NPHS1: variants seen among roughly 807,000 people sequenced by gnomAD.
NPHS1 encodes the protein nephrin.
A neutral mutation model predicts 139.7 loss-of-function variants in NPHS1; 107 were observed. The observed-to-expected ratio is 0.77, with a 90% CI of 0.66 to 0.90. The LOEUF (loss-of-function observed/expected upper bound fraction) is 0.90, where lower values mean the gene tolerates loss of function less well. Ranked by LOEUF, NPHS1 falls within the 40% of genes least tolerant of loss-of-function variation. The pLI is 0.00. For synonymous variants in NPHS1, 707 were observed against 706.6 expected, an observed-to-expected ratio of 1.00 and a Z score of -0.01; for missense variants, 1,580 against 1,654.2, an observed-to-expected ratio of 0.96 and a Z score of 0.78.
At chr19:35,843,939 G>A in intron 16 of NPHS1, 164 bp downstream of exon 16, 4 of 945,482 alleles carry the variant, frequency 4.2e-6, no homozygotes, top group Non-Finnish European at 6.2e-6. Context: ...CTAGTGGGAG[G>A]GGTTCCGCAG....
rs141962470 is a variant in NPHS1 at position 35,848,113 on chromosome 19, C to T, written c.1368G>A (p.Arg456=). ...IEGPPEGQKL[R]AGTRVRLVCL... is the part of the protein sequence containing the mutation. ...ACACCAGCCTCACCCGGGTCCCAGC[C>T]CGGAGCTTCTGGCCCTCTGGGGGAC... Residue 456 remains arginine (R), a synonymous_variant, in exon 11 of 29, where the codon CGG becomes CGA. Transcript: ENST00000378910. 1.2e-6 allele frequency: 2 copies of T among 1,613,946 alleles called. No individual in the cohort carries two copies. The highest frequency in any genetic ancestry group is 2.7e-5 in the African/African-American group (2 of 74,932).
rs1973123730 is a variant in NPHS1, at chr19:35,845,461, A to T, written c.1837T>A (p.Ser613Thr). The T allele has an allele frequency of 6.2e-7, 1 of 1,614,126 alleles. No individual in the cohort carries two copies. Among genetic ancestry groups the T allele is most frequent in the South Asian group, 1.1e-5 (1 of 91,080 alleles). The change falls in exon 14 of 29, where the codon TCA becomes ACA. Residue 613 changes from serine to threonine, a missense_variant. Ser to Thr is a moderately conservative substitution (Grantham distance 58). Coordinates refer to ENST00000378910, the MANE Select transcript of NPHS1 (RefSeq NM_004646.4). The surrounding 1 kb of genome is among the most constrained non-coding windows in gnomAD (Gnocchi z 5.5). The part of the protein sequence containing the change: ...AAARSVLLQV[S>T]SRDHGQRVTC... ...ACGCGCTGGCCATGATCGCGGGATG[A>T]CACTTGCAGAAGGACGCTCCTGGCG...
chr19:35,841,925 A>G, intron 19 of NPHS1, 59 bp from the exon 20 acceptor site: 2 of 1,519,310 alleles, frequency 1.3e-6, no homozygotes, highest in South Asian at 1.2e-5. Context: ...TATGCTTGGA[A>G]TCATCTATGC....
chr19:35,835,803 C>A, intron 22 of NPHS1, 42 bp from the exon 23 acceptor site: 1 of 1,537,704 alleles, frequency 6.5e-7, no homozygotes, highest in African/African-American at 1.4e-5. Context: ...CACTAAGAAT[C>A]TGAGATAAGC....
Position 35,845,815 on chromosome 19 carries a change from G to C in NPHS1, c.1628-17C>G. On this transcript the variant is annotated splice_polypyrimidine_tract_variant and intron_variant, in intron 12 of 28. Coordinates refer to ENST00000378910, the MANE Select transcript of NPHS1 (RefSeq NM_004646.4). This position sits in a 1 kb window ranked among gnomAD's most constrained non-coding sequence, Gnocchi z 5.5. The stretch of plus-strand genomic sequence containing the variant: ...TTGGGGGAACTGGGAGACGGGGTTG[G>C]AGGAGCGAGACTCAGAGGTTAGGGG... 3 of 1,610,690 alleles carry C rather than the reference G, an allele frequency of 1.9e-6. No individual in the cohort carries two copies. Among genetic ancestry groups the C allele is most frequent in the Non-Finnish European group, 2.5e-6 (3 of 1,177,706 alleles).
rs963555856 is a variant in NPHS1 at position 35,849,790 on chromosome 19, G to T, written c.609-137C>A. The T allele has an allele frequency of 9.7e-6, 7 of 721,366 alleles. No homozygotes were observed. The Admixed American group carries it at 1.0e-4, about 10-fold the overall frequency. 44.7% of individuals were successfully genotyped at this position (721,366 alleles called of 1,614,324 possible). On this transcript the variant is annotated intron_variant, in intron 5 of 28. Coordinates refer to ENST00000378910, the MANE Select transcript of NPHS1 (RefSeq NM_004646.4). ...ATGCTGATCTCCTCTGGGATCCAGG[G>T]TTCCATGGGAGAGATTTTGGGGGTG...
Position 35,842,427 on chromosome 19 carries a change from T to C in NPHS1, c.2458A>G (p.Asn820Asp). 6.2e-7 allele frequency: 1 copy of C among 1,614,174 alleles called. No homozygotes were observed. The highest frequency in any genetic ancestry group is 8.5e-7 in the Non-Finnish European group (1 of 1,180,026). ...QAGAYQCIVD[N>D]GVAPPARRLL... ...CGTCGTGCTGGAGGCGCCACCCCAT[T>C]GTCCACAATGCACTGGTAAGCGCCA... The change falls in exon 18 of 29, where the codon AAT becomes GAT. Residue 820 changes from asparagine to aspartate, a missense_variant. Coordinates refer to ENST00000378910, the MANE Select transcript of NPHS1 (RefSeq NM_004646.4).
chr19:35,829,378 T>C (rs1235921811), intron 28 of NPHS1, among the ~76,000 whole-genome samples: 3 of 152,130 alleles, frequency 2.0e-5, no homozygotes, highest in African/African-American at 7.2e-5. Context: ...TCTGGGAATA[T>C]TTTTTCCCTT....
At chr19:35,846,227 A>G in intron 11 of NPHS1, 33 bp from the exon 12 acceptor site, 1 of 1,551,286 alleles carries the variant, frequency 6.4e-7, no homozygotes, top group Non-Finnish European at 8.7e-7. Context: ...GTTCGCAGGC[A>G]GCCCTGCCGC....
intron 28 of NPHS1, 46 bp downstream of exon 28, chr19:35,830,798 C>A (rs1489494151): frequency 8.2e-7 from 1 of 1,214,346 alleles, no homozygotes; most frequent in Admixed American, 1.7e-5. Flanking sequence ...GAGGTAGGCT[C>A]CCAGCACTAG....
intron 23 of NPHS1, among the ~76,000 whole-genome samples, chr19:35,832,886 CAAAAAAAAA>C (rs748346116): frequency 8.8e-5 from 4 of 45,422 alleles, no homozygotes; most frequent in African/African-American, 2.6e-4. Flanking sequence ...GACCCTGTCT[CAAAAAAAAA>C]AAAAAAAAAA....
chr19:35,834,270 G>A (rs748781401), intron 23 of NPHS1, among the ~76,000 whole-genome samples: 21 of 151,932 alleles, frequency 1.4e-4, no homozygotes, highest in Non-Finnish European at 1.9e-4. Context: ...GAAGAGACAC[G>A]CGCCCAGTTA....
Position 35,848,792 on chromosome 19 carries a change from G to A in NPHS1, c.1015C>T (p.Pro339Ser). 6.2e-7 allele frequency: 1 copy of A among 1,614,206 alleles called. No homozygotes were observed. Among genetic ancestry groups the A allele is most frequent in the Non-Finnish European group, 8.5e-7 (1 of 1,180,038 alleles). The change falls in exon 9 of 29, where the codon CCC becomes TCC. Residue 339 changes from proline (P) to serine (S), a missense_variant and splice_region_variant. Transcript: ENST00000378910. ...EHGITLQVTF[P>S]PSAIIILGSA... ...CCCAAGATAATAATGGCACTAGGGG[G>A]AACTGCAGGGACAGAGAAGGAAGAC...
chr19:35,842,549 C>T lies in NPHS1; in HGVS notation c.2336G>A (p.Gly779Glu). ...LPGMFNWERLGEDEEDQSLDD... is the reference protein window; with the variant it reads ...LPGMFNWERLEEDEEDQSLDD... ...CAGGCTCTGGTCCTCCTCATCTTCT[C>T]CCTGGAGGCCCAAGAGTCCAGAATT... The change falls in exon 18 of 29, where the codon GGA becomes GAA. Residue 779 changes from glycine (G) to glutamate (E), a missense_variant and splice_region_variant. Coordinates refer to ENST00000378910, the MANE Select transcript of NPHS1 (RefSeq NM_004646.4). The T allele has an allele frequency of 6.2e-7, 1 of 1,614,068 alleles. No homozygotes were observed. The highest frequency in any genetic ancestry group is 8.5e-7 in the Non-Finnish European group (1 of 1,180,006).
intron 19 of NPHS1, 121 bp downstream of exon 19, chr19:35,842,003 C>T (rs941357751): frequency 1.4e-6 from 2 of 1,400,102 alleles, no homozygotes; most frequent in African/African-American, 1.4e-5. Context: ...TCCACTCAAC[C>T]ATTCACTCAC....
intron 26 of NPHS1, 45 bp downstream of exon 26, chr19:35,831,251 C>G: frequency 1.2e-6 from 2 of 1,609,304 alleles, no homozygotes; most frequent in Non-Finnish European, 1.7e-6. Context: ...CTTCAGTCGC[C>G]GTCGGTGCCC....
Position 35,835,754 on chromosome 19 carries a change from G to A in NPHS1, c.3117C>T (p.His1039=). 6.2e-7 allele frequency: 1 copy of A among 1,613,566 alleles called. No individual in the cohort carries two copies. Among genetic ancestry groups the A allele is most frequent in the Non-Finnish European group, 8.5e-7 (1 of 1,179,710 alleles). ...GGTCTTCAGGTTCTCCAGAAGGCTGGTGGAGACCTGGGGGGTGGATATACA... is the reference window on the plus strand; with the variant it reads ...GGTCTTCAGGTTCTCCAGAAGGCTGATGGAGACCTGGGGGGTGGATATACA... ...TQLPITTPGL[H]QPSGEPEDQL... Residue 1039 remains histidine (H), a synonymous_variant, in exon 23 of 29, where the codon CAC becomes CAT. Coordinates refer to ENST00000378910, the MANE Select transcript of NPHS1 (RefSeq NM_004646.4).
intron 23 of NPHS1, 148 bp from the exon 24 acceptor site, chr19:35,831,910 G>C (rs1972891285): frequency 1.2e-6 from 1 of 810,814 alleles, no homozygotes; most frequent in East Asian, 2.7e-5. Context: ...CACCCTTTCT[G>C]CCCACCCAAG....
At chr19:35,846,254 C>A (rs1052464180) in intron 11 of NPHS1, 60 bp from the exon 12 acceptor site, 2 of 1,514,636 alleles carry the variant, frequency 1.3e-6, no homozygotes. Flanking sequence ...CAACCCCCAA[C>A]CCCCCTACCC....
Sources: allele counts gnomAD v4.1 joint callset (sites outside exome capture counted in the v4.1 genomes callset), GRCh38; gene constraint gnomAD v4.1.1; non-coding constraint Gnocchi (gnomAD v3.1); transcripts MANE v1.5; gene names NCBI Gene and HGNC (gene_info 2026-07-23, HGNC 2026-07-21).